PKHD1: variants seen among roughly 807,000 people sequenced by gnomAD.
PKHD1 encodes the protein PKHD1 ciliary IPT domain containing fibrocystin/polyductin.
A neutral mutation model predicts 412.0 loss-of-function variants in PKHD1; 291 were observed. That is an observed-to-expected ratio of 0.71 (90% CI 0.64 to 0.78). PKHD1 has a LOEUF of 0.78. Ranked by LOEUF, PKHD1 falls within the 30% of genes least tolerant of loss-of-function variation. The pLI is 0.00. For missense variants in PKHD1, 4,825 were observed against 4,950.7 expected, an observed-to-expected ratio of 0.97 and a Z score of 0.76; for synonymous variants, 1,777 against 1,821.5, an observed-to-expected ratio of 0.98 and a Z score of 0.62.
At chr6:51,912,034 A>G (rs1451656860) in intron 38 of PKHD1, 78 bp from the exon 39 acceptor site, 30 of 1,122,736 alleles carry the variant, frequency 2.7e-5, no homozygotes, top group Non-Finnish European at 3.9e-5. Flanking sequence ...CTAGATTAAC[A>G]TAATTCTTCC....
chr6:52,017,721 G>A, intron 33 of PKHD1, 92 bp from the exon 34 acceptor site: 4 of 903,314 alleles, frequency 4.4e-6, no homozygotes, highest in Non-Finnish European at 7.4e-6. Flanking sequence ...GTCCTCCTTT[G>A]ACCAATAGGA....
chr6:51,940,771 C>T (rs1384398664), intron 36 of PKHD1, among the ~76,000 whole-genome samples: 1 of 151,564 alleles, frequency 6.6e-6, no homozygotes, highest in Non-Finnish European at 1.5e-5. Context: ...CTACCCACTC[C>T]ACATTACCTT....
At chr6:51,681,080 C>A (rs1022722450) in intron 60 of PKHD1, among the ~76,000 whole-genome samples, 11 of 152,016 alleles carry the variant, frequency 7.2e-5, no homozygotes, top group Non-Finnish European at 1.5e-4. Flanking sequence ...TGGAAAACCC[C>A]ATTTTGTCAC....
At chr6:52,065,158 TATATATATATAGAGAG>T (rs1177797908) in intron 12 of PKHD1, 108 bp from the exon 13 acceptor site, 11 of 78,488 alleles carry the variant, frequency 1.4e-4, no homozygotes, top group Non-Finnish European at 2.0e-4. Context: ...TATATATATA[TATATATATATAGAGAG>T]AGAGAGAGAG....
intron 52 of PKHD1, 77 bp downstream of exon 52, chr6:51,830,784 A>C: frequency 1.5e-6 from 2 of 1,366,068 alleles, no homozygotes; most frequent in Non-Finnish European, 2.1e-6. Flanking sequence ...ACTGTGTTGT[A>C]CAATATAAAT....
At chr6:51,653,826 C>A (rs1771358383) in intron 61 of PKHD1, among the ~76,000 whole-genome samples, 1 of 151,900 alleles carries the variant, frequency 6.6e-6, no homozygotes, top group Non-Finnish European at 1.5e-5. Context: ...AATCAGGGGA[C>A]AAAAACCTAA....
rs566303798 is a variant in PKHD1 at position 52,055,052 on chromosome 6, G to A, written c.1836+535C>T. Among the ~76,000 whole-genome samples the A allele has an allele frequency of 5.9e-5, 9 of 152,292 alleles. No homozygotes were observed. In the South Asian group the frequency reaches 8.3e-4, roughly 14 times the overall value. On this transcript the variant is annotated intron_variant, in intron 19 of 66. Transcript: ENST00000371117. The stretch of plus-strand genomic sequence containing the variant: ...AGCAAAGGATTTAAGAAGTGTTTGC[G>A]AAATGCATCAGACAATTCAATCCAT...
At chr6:51,931,404 C>T (rs779670836) in intron 37 of PKHD1, among the ~76,000 whole-genome samples, 8 of 152,082 alleles carry the variant, frequency 5.3e-5, no homozygotes. Context: ...TTCCTAAAGC[C>T]CCAGTGTCAC....
At chr6:52,064,899 C>A in intron 13 of PKHD1, 56 bp downstream of exon 13, 1 of 782,356 alleles carries the variant, frequency 1.3e-6, no homozygotes. Context: ...TACTCGCCAG[C>A]CCATCATGAT....
intron 40 of PKHD1, 109 bp downstream of exon 40, chr6:51,909,174 T>C: frequency 1.2e-6 from 1 of 862,292 alleles, no homozygotes; most frequent in African/African-American, 1.7e-5. Context: ...CAATTATCCA[T>C]CTCTAAATCC....
At chr6:51,642,118 A>G (rs1769446962) in intron 63 of PKHD1, among the ~76,000 whole-genome samples, 1 of 152,202 alleles carries the variant, frequency 6.6e-6, no homozygotes, top group East Asian at 1.9e-4. Context: ...TGGCCACAAC[A>G]TGATTCTAAG....
At chr6:52,033,894 C>T (rs1253853637) in intron 28 of PKHD1, among the ~76,000 whole-genome samples, 2 of 151,762 alleles carry the variant, frequency 1.3e-5, no homozygotes, top group Non-Finnish European at 2.9e-5. Flanking sequence ...TTTGGGAGGC[C>T]GAGGCGGGTG....
chr6:51,757,651 T>C (rs2025751), intron 55 of PKHD1, among the ~76,000 whole-genome samples: 81,271 of 151,838 alleles, frequency 0.54, 22,717 homozygotes, highest in East Asian at 0.89. Context: ...TGGTTTTGTA[T>C]TCTTGTCTTC....
At chr6:51,639,906 T>A (rs745388401) in intron 63 of PKHD1, among the ~76,000 whole-genome samples, 1 of 152,224 alleles carries the variant, frequency 6.6e-6, no homozygotes, top group Non-Finnish European at 1.5e-5. Flanking sequence ...TTGCTTAATC[T>A]TTTTGTGAAA....
At chr6:52,001,732 CCTT>C (rs1246633191) in intron 35 of PKHD1, among the ~76,000 whole-genome samples, 3 of 152,062 alleles carry the variant, frequency 2.0e-5, no homozygotes, top group Non-Finnish European at 4.4e-5. Context: ...CGCCCAGCCT[CCTT>C]CTTTTTTAAA....
Position 51,659,907 on chromosome 6 carries a change from G to A in PKHD1, c.10219C>T (p.Gln3407Ter), listed in dbSNP as rs781368899. The change falls in exon 61 of 67, where the codon CAG (glutamine) becomes TAG (stop). Residue 3407 changes from glutamine (Q) to a stop codon, truncating the protein, a stop_gained. Coordinates refer to ENST00000371117, the MANE Select transcript of PKHD1 (RefSeq NM_138694.4). LOFTEE classifies it high-confidence loss of function. Reference protein sequence around the residue: ...QFLMQGFICKQTDQVVLILDS... With the variant: ...QFLMQGFICK ...AGAATTAGGACCACTTGGTCAGTCT[G>A]TTTGCAGATGAATCCTTGCATCAGA... The A allele has an allele frequency of 2.1e-5, 34 of 1,612,142 alleles. No homozygotes were observed. The highest frequency in any genetic ancestry group is 2.6e-5 in the Non-Finnish European group (31 of 1,178,440).
At chr6:51,789,654 T>C (rs1793426854) in intron 53 of PKHD1, among the ~76,000 whole-genome samples, 1 of 152,190 alleles carries the variant, frequency 6.6e-6, no homozygotes, top group Non-Finnish European at 1.5e-5. Context: ...ATATTTGCAC[T>C]TGGAAACTTT....
chr6:51,792,817 C>G (rs751147031), intron 52 of PKHD1, among the ~76,000 whole-genome samples: 2 of 152,206 alleles, frequency 1.3e-5, no homozygotes, highest in Admixed American at 6.5e-5. Flanking sequence ...CTCCACCACT[C>G]TCCCTGGGGA....
At chr6:52,075,159 A>G (rs1469739034) in intron 6 of PKHD1, among the ~76,000 whole-genome samples, 1 of 152,248 alleles carries the variant, frequency 6.6e-6, no homozygotes, top group Non-Finnish European at 1.5e-5. Context: ...ACAAATGGAA[A>G]GGAGCAGATC....
Sources: allele counts gnomAD v4.1 joint callset (sites outside exome capture counted in the v4.1 genomes callset), GRCh38; gene constraint gnomAD v4.1.1; transcripts MANE v1.5; gene names NCBI Gene and HGNC (gene_info 2026-07-23, HGNC 2026-07-21).